CNTN5: variants seen among roughly 807,000 people sequenced by gnomAD.
The protein encoded by CNTN5 is contactin-5.
CNTN5 carries 77 observed loss-of-function variants against 129.1 expected under a neutral mutation model. The ratio of observed to expected loss-of-function variants is 0.60; its 90% confidence interval spans 0.50 to 0.72. CNTN5 has a LOEUF of 0.72. Among genes scored for constraint, CNTN5 ranks in the 30% least tolerant of loss-of-function variants. The pLI is 0.00. For missense variants in CNTN5, 1,478 were observed against 1,328.8 expected (o/e 1.11, Z -1.75); for synonymous variants, 509 against 465.6 (o/e 1.09, Z -1.20).
chr11:100,210,522 AT>A (rs1949010385), intron 15 of CNTN5, among the ~76,000 whole-genome samples: 1 of 150,918 alleles, frequency 6.6e-6, no homozygotes, highest in Non-Finnish European at 1.5e-5. Flanking sequence ...TAATTCAAAG[AT>A]TTAGGAGCTT....
chr11:99,492,378 T>G (rs527924900), intron 2 of CNTN5, among the ~76,000 whole-genome samples: 1 of 152,196 alleles, frequency 6.6e-6, no homozygotes, highest in African/African-American at 2.4e-5. Context: ...GCCTTTAAAC[T>G]GGAAGAATTT....
intron 13 of CNTN5, among the ~76,000 whole-genome samples, chr11:100,123,470 C>A (rs1591283073): frequency 1.3e-5 from 2 of 151,974 alleles, no homozygotes; most frequent in African/African-American, 4.8e-5. Context: ...TTAGTTTAAA[C>A]CTTTTGATGT....
intron 21 of CNTN5, chr11:100,309,080 C>T: frequency 1.0e-6 from 1 of 985,014 alleles, no homozygotes; most frequent in Non-Finnish European, 1.2e-6. Context: ...TTTATGATAA[C>T]AAGGTTTGGC....
chr11:99,271,615 G>A (rs548453229), intron 1 of CNTN5, among the ~76,000 whole-genome samples: 1 of 151,826 alleles, frequency 6.6e-6, no homozygotes, highest in South Asian at 2.1e-4. Flanking sequence ...TCTGGCAAGA[G>A]GTTTTCCATG....
chr11:99,113,045 A>G (rs139259574), intron 1 of CNTN5, among the ~76,000 whole-genome samples: 18 of 152,200 alleles, frequency 1.2e-4, no homozygotes, highest in African/African-American at 3.8e-4. Flanking sequence ...AGGCAACCGT[A>G]TTAATGGATA....
chr11:99,971,782 G>C (rs1951263327), intron 8 of CNTN5, among the ~76,000 whole-genome samples: 1 of 151,518 alleles, frequency 6.6e-6, no homozygotes, highest in Non-Finnish European at 1.5e-5. Flanking sequence ...TAAAGACTAA[G>C]ATAATCATTA....
chr11:99,102,225 A>G (rs750924980), intron 1 of CNTN5, among the ~76,000 whole-genome samples: 36 of 152,014 alleles, frequency 2.4e-4, no homozygotes, highest in South Asian at 2.1e-4. Context: ...CCACAAAACC[A>G]TATTTTTTTC....
intron 8 of CNTN5, among the ~76,000 whole-genome samples, chr11:99,990,981 T>C (rs1939048381): frequency 6.6e-6 from 1 of 152,198 alleles, no homozygotes; most frequent in African/African-American, 2.4e-5. Flanking sequence ...TTGTGTCACT[T>C]AACTATGCAT....
intron 3 of CNTN5, among the ~76,000 whole-genome samples, chr11:99,759,278 A>G (rs1326943087): frequency 6.6e-6 from 1 of 151,934 alleles, no homozygotes; most frequent in Non-Finnish European, 1.5e-5. Flanking sequence ...ACACTTAGAA[A>G]TTTTTACAAT....
At chr11:99,589,158 G>T (rs1056954275) in intron 3 of CNTN5, among the ~76,000 whole-genome samples, 1 of 152,116 alleles carries the variant, frequency 6.6e-6, no homozygotes, top group African/African-American at 2.4e-5. Flanking sequence ...CTTTGAAGGG[G>T]CAGCTTTAAA....
At chr11:100,044,136 ATG>A (rs1942529801) in intron 9 of CNTN5, among the ~76,000 whole-genome samples, 2 of 141,576 alleles carry the variant, frequency 1.4e-5, no homozygotes, top group African/African-American at 5.4e-5. Context: ...TTACATGTAC[ATG>A]TGTATGTACA....
chr11:100,008,357 C>G (rs538988705), intron 9 of CNTN5, among the ~76,000 whole-genome samples: 1 of 152,008 alleles, frequency 6.6e-6, no homozygotes, highest in African/African-American at 2.4e-5. Context: ...ATAATGTGTG[C>G]CAGTACCTTC....
intron 15 of CNTN5, among the ~76,000 whole-genome samples, chr11:100,216,920 A>T (rs1366072360): frequency 6.6e-6 from 1 of 152,152 alleles, no homozygotes; most frequent in Non-Finnish European, 1.5e-5. Flanking sequence ...GAATAGAAGG[A>T]ATACCTGATC....
chr11:100,267,701 G>C (rs1950334226), intron 17 of CNTN5, among the ~76,000 whole-genome samples: 1 of 152,108 alleles, frequency 6.6e-6, no homozygotes. Flanking sequence ...GATGAGTTTT[G>C]AGAGATATTG....
chr11:99,902,163 C>T (rs1047221391), intron 6 of CNTN5, among the ~76,000 whole-genome samples: 3 of 151,780 alleles, frequency 2.0e-5, no homozygotes, highest in African/African-American at 4.8e-5. Context: ...AGATTAGTAA[C>T]CTTTTCTACT....
At chr11:99,868,817 G>T (rs182333010) in intron 6 of CNTN5, among the ~76,000 whole-genome samples, 1 of 152,238 alleles carries the variant, frequency 6.6e-6, no homozygotes, top group African/African-American at 2.4e-5. Flanking sequence ...TCTTGAGTCT[G>T]CACATTCATC....
chr11:100,352,712 T>C (rs529928095), intron 24 of CNTN5, among the ~76,000 whole-genome samples: 8 of 151,946 alleles, frequency 5.3e-5, no homozygotes, highest in African/African-American at 1.7e-4. Flanking sequence ...AAAAATTTAA[T>C]ATGCTTTATG....
intron 2 of CNTN5, among the ~76,000 whole-genome samples, chr11:99,406,128 G>A (rs1355560421): frequency 6.6e-6 from 1 of 151,490 alleles, no homozygotes; most frequent in African/African-American, 2.4e-5. Flanking sequence ...CTGTTTCTAC[G>A]CATTGGAGAG....
At chr11:99,561,225 T>C (rs1948831142) in intron 3 of CNTN5, among the ~76,000 whole-genome samples, 1 of 152,048 alleles carries the variant, frequency 6.6e-6, no homozygotes, top group South Asian at 2.1e-4. Flanking sequence ...GAGTCTGGTG[T>C]GTCAAAGAGA....
Sources: allele counts gnomAD v4.1 joint callset (sites outside exome capture counted in the v4.1 genomes callset), GRCh38; gene constraint gnomAD v4.1.1; transcripts MANE v1.5; gene names NCBI Gene and HGNC (gene_info 2026-07-23, HGNC 2026-07-21).